Variants in WWP2 observed in about 807,000 individuals in gnomAD.
The protein encoded by WWP2 is WW domain containing E3 ubiquitin protein ligase 2, also known as NEDD4-like E3 ubiquitin-protein ligase WWP2.
A neutral mutation model predicts 121.0 loss-of-function variants in WWP2; 57 were observed. That is an observed-to-expected ratio of 0.47 (90% confidence interval 0.38 to 0.59). WWP2 has a LOEUF of 0.59. Ranked by LOEUF, WWP2 falls within the 20% of genes least tolerant of loss-of-function variation. WWP2 has a pLI of 0.00. For synonymous variants in WWP2, 449 were observed against 441.3 expected, an observed-to-expected ratio of 1.02 and a Z score of -0.22; for missense variants, 962 against 1,158.9, an observed-to-expected ratio of 0.83 and a Z score of 2.47.
chr16:69,875,489 C>T (rs188717544), intron 7 of WWP2, among the ~76,000 whole-genome samples: 17 of 152,322 alleles, frequency 1.1e-4, no homozygotes, highest in Non-Finnish European at 2.1e-4. Context: ...TAGCATGCGA[C>T]GCTGTTTGAC....
intron 9 of WWP2, among the ~76,000 whole-genome samples, chr16:69,912,081 A>C (rs2058386192): frequency 6.6e-6 from 1 of 152,068 alleles, no homozygotes; most frequent in African/African-American, 2.4e-5. Context: ...TGAAGTCAGG[A>C]GATTGAGACC....
chr16:69,887,117 G>A lies in WWP2; in HGVS notation c.704-922G>A, dbSNP rs72785059. 3.1e-3 allele frequency among the ~76,000 whole-genome samples: 473 copies of A among 152,288 alleles called. 4 individuals carry two copies. The highest frequency in any genetic ancestry group is 0.011 in the African/African-American group (437 of 41,578). On this transcript the variant is annotated intron_variant, in intron 7 of 23. Transcript: ENST00000359154. ...CTTGTGAACGTAAGTGATCATCAAA[G>A]AGGTGAAGAGATGGTGAAATAGGGA...
At chr16:69,874,154 C>G (rs1456432935) in intron 7 of WWP2, among the ~76,000 whole-genome samples, 2 of 152,168 alleles carry the variant, frequency 1.3e-5, no homozygotes, top group Non-Finnish European at 2.9e-5. Flanking sequence ...GGCTTGATGT[C>G]CATCTCTCCC....
intron 8 of WWP2, among the ~76,000 whole-genome samples, chr16:69,907,645 G>A (rs528015216): frequency 6.6e-6 from 1 of 152,300 alleles, no homozygotes; most frequent in African/African-American, 2.4e-5. Context: ...AATAACAGGA[G>A]TGTGGGGATA....
At chr16:69,801,741 G>C (rs1363706837) in intron 4 of WWP2, among the ~76,000 whole-genome samples, 1 of 151,730 alleles carries the variant, frequency 6.6e-6, no homozygotes, top group Admixed American at 6.6e-5. Flanking sequence ...ATACATTTTT[G>C]AGCTTTTAAA....
Position 69,888,220 on chromosome 16 carries a change from T to C in WWP2, c.885T>C (p.Ala295=). ...STSGTQQLPA[A]AQAPDALPAG... is the part of the protein sequence containing the mutation. ...CGGGTACACAGCAGCTCCCAGCGGCTGCCCAGGCCCCCGACGCTCTGCCTG... is the reference window on the plus strand; with the variant it reads ...CGGGTACACAGCAGCTCCCAGCGGCCGCCCAGGCCCCCGACGCTCTGCCTG... Residue 295 remains alanine (A), a synonymous_variant, in exon 8 of 24, where the codon GCT becomes GCC. Coordinates refer to ENST00000359154, the MANE Select transcript of WWP2 (RefSeq NM_001270454.2). 1 of 1,614,216 alleles carries C rather than the reference T, an allele frequency of 6.2e-7. No homozygotes were observed. Among genetic ancestry groups the C allele is most frequent in the East Asian group, 2.2e-5 (1 of 44,884 alleles).
intron 1 of WWP2, among the ~76,000 whole-genome samples, chr16:69,766,083 A>C (rs1289602939): frequency 6.6e-6 from 1 of 152,118 alleles, no homozygotes; most frequent in Non-Finnish European, 1.5e-5. Context: ...GATTCCTATC[A>C]GGCATTTTAT....
At position 69,936,906 on chromosome 16, in the gene WWP2, T is replaced by C. The variant is rs2058808595; in HGVS notation, c.2118-212T>C. ...TGGGGGCAGGAGCAGGAGGAGGTGG[T>C]GGTGAGGATGATTTCAAAGACTCCG... On this transcript the variant is annotated intron_variant, in intron 19 of 23. Coordinates refer to ENST00000359154, the MANE Select transcript of WWP2 (RefSeq NM_001270454.2). The C allele has an allele frequency of 6.9e-6, 4 of 578,776 alleles. No homozygotes were observed. In the Admixed American group the frequency reaches 1.3e-4, roughly 19 times the overall value. The allele number at this position is 578,776 out of a possible 1,614,324, so 35.9% of individuals were successfully genotyped here. A position where few individuals can be genotyped will look rare whatever the true frequency, so the allele number is the denominator to read the frequency against.
chr16:69,779,480 G>A (rs1356045995), intron 1 of WWP2, among the ~76,000 whole-genome samples: 1 of 152,192 alleles, frequency 6.6e-6, no homozygotes, highest in East Asian at 1.9e-4. Context: ...TGCCTTCCCA[G>A]TTGCCTTTGT....
intron 1 of WWP2, among the ~76,000 whole-genome samples, chr16:69,764,905 C>T (rs897499111): frequency 1.3e-5 from 2 of 152,086 alleles, no homozygotes; most frequent in African/African-American, 2.4e-5. Context: ...TTAAATACAA[C>T]GTAATTATAA....
intron 1 of WWP2, among the ~76,000 whole-genome samples, chr16:69,771,307 G>A (rs896765806): frequency 6.6e-6 from 1 of 152,172 alleles, no homozygotes; most frequent in Non-Finnish European, 1.5e-5. Flanking sequence ...GGAGTGCAGT[G>A]TGCTATCTTG....
intron 2 of WWP2, among the ~76,000 whole-genome samples, chr16:69,789,814 C>T (rs912096054): frequency 4.6e-5 from 7 of 152,146 alleles, no homozygotes; most frequent in African/African-American, 1.4e-4. Flanking sequence ...TCTTTACTTA[C>T]GCATTTGATC....
Position 69,925,086 on chromosome 16 carries a change from G to A in WWP2, c.1180-344G>A, listed in dbSNP as rs552933270. On this transcript the variant is annotated intron_variant, in intron 10 of 23. Transcript: ENST00000359154. This position sits in a 1 kb window ranked among gnomAD's most constrained non-coding sequence, Gnocchi z 4.0. ...CGGAGCTGAGCGGAGGCACTGGGCCGAGCCTGCTTCCCGGGCCTTCCTACC... is the reference window on the plus strand; with the variant it reads ...CGGAGCTGAGCGGAGGCACTGGGCCAAGCCTGCTTCCCGGGCCTTCCTACC... 6.6e-6 allele frequency: 7 copies of A among 1,058,186 alleles called. No homozygotes were observed. Among genetic ancestry groups the A allele is most frequent in the East Asian group, 7.4e-5 (1 of 13,486 alleles). The allele number at this position is 1,058,186 out of a possible 1,614,324, so 65.5% of individuals were successfully genotyped here.
In WWP2 at chr16:69,871,869, C is replaced by T. The variant is rs1192305533; in HGVS notation, c.641C>T (p.Ala214Val). The T allele has an allele frequency of 6.2e-7, 1 of 1,614,090 alleles. No homozygotes were observed. Among genetic ancestry groups the T allele is most frequent in the South Asian group, 1.1e-5 (1 of 91,082 alleles). The stretch of plus-strand genomic sequence containing the variant: ...GCAACCGGCGAGCAAAGCCCCGGTG[C>T]TCGGAGCCGGCACCGCCAGCCCGTC... The part of the protein sequence containing the change: ...TPATGEQSPG[A>V]RSRHRQPVKN... The change falls in exon 7 of 24, where the codon GCT (alanine) becomes GTT (valine). Residue 214 changes from alanine (A) to valine (V), a missense_variant. Physicochemically the swap from Ala to Val is moderately conservative, Grantham distance 64. This residue lies in a region of WWP2 where 211 missense variants were observed against 196.5 expected (regional missense o/e 1.07). Transcript: ENST00000359154.
At chr16:69,818,658 G>C (rs1252040634) in intron 4 of WWP2, among the ~76,000 whole-genome samples, 1 of 152,022 alleles carries the variant, frequency 6.6e-6, no homozygotes, top group Admixed American at 6.6e-5. Context: ...ACAATGAATC[G>C]ATCCTTCCTG....
intron 6 of WWP2, among the ~76,000 whole-genome samples, chr16:69,851,419 A>G (rs975461556): frequency 3.9e-5 from 6 of 152,146 alleles, no homozygotes; most frequent in African/African-American, 9.7e-5. Flanking sequence ...AGAATGTCGT[A>G]TAGCTGGATC....
intron 4 of WWP2, among the ~76,000 whole-genome samples, chr16:69,835,635 A>AT (rs1301575896): frequency 2.6e-5 from 4 of 151,744 alleles, no homozygotes; most frequent in Admixed American, 2.6e-4. Context: ...GGCTGGGTGT[A>AT]TTTTTTTTCC....
At chr16:69,872,781 C>T (rs773170056) in intron 7 of WWP2, among the ~76,000 whole-genome samples, 3 of 152,196 alleles carry the variant, frequency 2.0e-5, no homozygotes, top group Non-Finnish European at 2.9e-5. Flanking sequence ...GTGCCGTCCA[C>T]GTGCGCATGG....
chr16:69,838,370 G>A (rs145799862), intron 4 of WWP2, among the ~76,000 whole-genome samples: 8 of 150,328 alleles, frequency 5.3e-5, no homozygotes, highest in Non-Finnish European at 5.9e-5. Flanking sequence ...CTTAATCCAC[G>A]TGCTTAAAAA....
Sources: allele counts gnomAD v4.1 joint callset (sites outside exome capture counted in the v4.1 genomes callset), GRCh38; gene constraint gnomAD v4.1.1; regional missense constraint gnomAD v4.1.1; non-coding constraint Gnocchi (gnomAD v3.1); transcripts MANE v1.5; gene names NCBI Gene and HGNC (gene_info 2026-07-23, HGNC 2026-07-21).